Variants in MXRA5 observed in about 807,000 individuals in gnomAD.
MXRA5 encodes the protein matrix remodeling associated 5.
In MXRA5, 41 loss-of-function variants were observed where a neutral mutation model predicts 112.5. That is an observed-to-expected ratio of 0.36 (90% CI 0.28 to 0.47). The LOEUF (loss-of-function observed/expected upper bound fraction) is 0.47, where lower values mean the gene tolerates loss of function less well. MXRA5 is among the 20% of genes least tolerant of loss of function. The probability of loss-of-function intolerance (pLI) is 0.99; values close to 1 mark genes in which losing one functional copy is unlikely to be tolerated. For missense variants in MXRA5, 2,150 were observed against 2,251.0 expected (o/e 0.96, Z 0.91); for synonymous variants, 862 against 900.8 (o/e 0.96, Z 0.77).
intron 5 of MXRA5, among the ~76,000 whole-genome samples, chrX:3,319,267 T>C (rs757772625): frequency 1.8e-5 from 2 of 112,567 alleles, no homozygotes; most frequent in Admixed American, 1.9e-4. Flanking sequence ...GAATGTTTTG[T>C]TTCTCTTTTT....
intron 5 of MXRA5, among the ~76,000 whole-genome samples, chrX:3,319,722 G>A (rs765815295): frequency 1.8e-5 from 2 of 111,406 alleles, no homozygotes; most frequent in African/African-American, 6.5e-5. Context: ...TGGATGCTAC[G>A]CTGGCTACCT....
intron 2 of MXRA5, among the ~76,000 whole-genome samples, chrX:3,332,719 A>G (rs902719722): frequency 8.9e-6 from 1 of 111,904 alleles, no homozygotes; most frequent in Non-Finnish European, 1.9e-5. Flanking sequence ...GAACAATCAT[A>G]TATAGTGGTT....
intron 4 of MXRA5, among the ~76,000 whole-genome samples, chrX:3,328,102 A>T (rs1921556123): frequency 8.9e-6 from 1 of 112,331 alleles, no homozygotes; most frequent in Non-Finnish European, 1.9e-5. Flanking sequence ...ACTGGTTCCC[A>T]CCAATGAAAT....
Position 3,309,747 on chromosome X carries a change from T to C in MXRA5, c.8456A>G (p.Asp2819Gly). The change falls in exon 7 of 7, where the codon GAC (aspartate) becomes GGC (glycine). Residue 2819 changes from aspartate (D) to glycine (G), a missense_variant. Asp to Gly is a moderately conservative substitution (Grantham distance 94, BLOSUM62 -1). Transcript: ENST00000217939. ...KCMAKNILGS[D>G]SKTTYIHVF Reference sequence around the variant, plus strand: ...GACGTGGATGTAAGTTGTTTTGGAGTCACTGCCGAGAATGTTTTTTGCCAT... The same window carrying C: ...GACGTGGATGTAAGTTGTTTTGGAGCCACTGCCGAGAATGTTTTTTGCCAT... 8.3e-7 allele frequency: 1 copy of C among 1,210,956 alleles called. No individual in the cohort carries two copies. Among genetic ancestry groups the C allele is most frequent in the African/African-American group, 1.7e-5 (1 of 57,684 alleles).
chrX:3,329,704 A>G (rs775596152), intron 4 of MXRA5, among the ~76,000 whole-genome samples: 4 of 111,678 alleles, frequency 3.6e-5, no homozygotes, highest in Non-Finnish European at 7.5e-5. Context: ...TCCCACATTA[A>G]GCTGCAGTCC....
In MXRA5 at chrX:3,324,301, T is replaced by G. The variant is rs748527019; in HGVS notation, c.1384A>C (p.Thr462Pro). 5.8e-6 allele frequency: 7 copies of G among 1,211,740 alleles called. No homozygotes were observed. The highest frequency in any genetic ancestry group is 5.6e-6 in the Non-Finnish European group (5 of 895,508). ...TGCCTTGTATCTTTGGTGGATATTG[T>G]TTGAGAATACTGGGTGTAGTAGGAA... ...LLSYYTQYSQ[T>P]ISTKDTRQAR... Residue 462 changes from threonine to proline, a missense_variant, in exon 5 of 7, where the codon ACA (threonine) becomes CCA (proline). Thr to Pro is a conservative substitution (Grantham distance 38, BLOSUM62 -1). This residue lies in a region of MXRA5 where 386 missense variants were observed against 411.0 expected (regional missense o/e 0.94). Coordinates refer to ENST00000217939, the MANE Select transcript of MXRA5 (RefSeq NM_015419.4).
At chrX:3,344,157 CGAGAGAGA>C (rs377198782) in intron 1 of MXRA5, among the ~76,000 whole-genome samples, 2,375 of 96,270 alleles carry the variant, frequency 0.025, 84 homozygotes, top group African/African-American at 0.083. Flanking sequence ...CAGAGAGAGA[CGAGAGAGA>C]GAGAGAGAGA....
chrX:3,321,009 G>C lies in MXRA5; in HGVS notation c.4676C>G (p.Ser1559Ter). 1 of 1,212,068 alleles carries C rather than the reference G, an allele frequency of 8.3e-7. No individual in the cohort carries two copies. The highest frequency in any genetic ancestry group is 1.1e-6 in the Non-Finnish European group (1 of 895,575). ...TGCATCCTGGTCGGAAGAGGGTGTT[G>C]ATAATTCATTTGGCCCTGACATATG... ...TQHMSGPNEL[S>*]TPSSDQDAFN... Residue 1559 changes from serine to a stop codon, truncating the protein, a stop_gained, in exon 5 of 7, where the codon TCA (serine) becomes TGA (stop). Transcript: ENST00000217939. LOFTEE classifies it high-confidence loss of function.
rs753732953 is a variant in MXRA5, at chrX:3,310,137, G to A, written c.8066C>T (p.Ser2689Phe). 10 of 1,211,770 alleles carry A rather than the reference G, an allele frequency of 8.3e-6. No individual in the cohort carries two copies. In the South Asian group the frequency reaches 1.8e-4, roughly 21 times the overall value. The change falls in exon 7 of 7, where the codon TCT (serine) becomes TTT (phenylalanine). Residue 2689 changes from serine to phenylalanine, a missense_variant. Physicochemically the swap from Ser to Phe is radical, Grantham distance 155 (BLOSUM62 -2). Coordinates refer to ENST00000217939, the MANE Select transcript of MXRA5 (RefSeq NM_015419.4). ...CGTGAGGGTGCCATTGTCCAGAAGA[G>A]AAACGCGTCCCAGGGTTTGGGGGCC... ...LEGPQTLGRVSLLDNGTLTVR... is the reference protein window; with the variant it reads ...LEGPQTLGRVFLLDNGTLTVR...
chrX:3,310,834 C>T lies in MXRA5; in HGVS notation c.7369G>A (p.Ala2457Thr), dbSNP rs779707182. 8.3e-7 allele frequency: 1 copy of T among 1,206,985 alleles called. No individual in the cohort carries two copies. Among genetic ancestry groups the T allele is most frequent in the African/African-American group, 1.8e-5 (1 of 56,557 alleles). ...NPITTVREIA[A>T]GGSRKLIDCK... is the part of the protein sequence containing the mutation. The stretch of plus-strand genomic sequence containing the variant: ...TCAATCAGTTTCCGACTGCCCCCGG[C>T]TGCTATCTCCCGCACAGTGGTGATG... Residue 2457 changes from alanine to threonine, a missense_variant, in exon 7 of 7, where the codon GCC (alanine) becomes ACC (threonine). Ala to Thr is a moderately conservative substitution (Grantham distance 58, BLOSUM62 0). This residue lies in a region of MXRA5 where 93 missense variants were observed against 135.5 expected (regional missense o/e 0.69). Coordinates refer to ENST00000217939, the MANE Select transcript of MXRA5 (RefSeq NM_015419.4).
chrX:3,335,472 C>A (rs1356368548), intron 2 of MXRA5, among the ~76,000 whole-genome samples: 2 of 112,779 alleles, frequency 1.8e-5, no homozygotes, highest in South Asian at 7.3e-4. Flanking sequence ...GCTGGGATTA[C>A]GGGCGTGAGT....
At chrX:3,318,888 C>T (rs755192438) in intron 5 of MXRA5, among the ~76,000 whole-genome samples, 2 of 110,140 alleles carry the variant, frequency 1.8e-5, no homozygotes, top group African/African-American at 3.3e-5. Context: ...AAACAAAAAA[C>T]GAAATTCTGT....
chrX:3,336,087 T>TCCTGTCAGATGAGC (rs1921778910), intron 2 of MXRA5, among the ~76,000 whole-genome samples: 1 of 110,406 alleles, frequency 9.1e-6, no homozygotes, highest in African/African-American at 3.3e-5. Context: ...GTCAGATGAG[T>TCCTGTCAGATGAGC]GACGGCATTA....
Position 3,323,234 on chromosome X carries a change from G to A in MXRA5, c.2451C>T (p.Val817=). 8.3e-7 allele frequency: 1 copy of A among 1,211,452 alleles called. No homozygotes were observed. ...TTSPPSLSLE[V]TPPFPAISPP... The stretch of plus-strand genomic sequence containing the variant: ...GAGAAATAGCAGGAAAAGGTGGTGT[G>A]ACTTCTAGACTCAAGGATGGAGGAC... Residue 817 remains valine (V), a synonymous_variant, in exon 5 of 7, where the codon GTC becomes GTT. Coordinates refer to ENST00000217939, the MANE Select transcript of MXRA5 (RefSeq NM_015419.4).
chrX:3,309,544 A>C lies in MXRA5; in HGVS notation c.*172T>G, dbSNP rs1920965980. On this transcript the variant is annotated 3_prime_UTR_variant, in exon 7 of 7. Transcript: ENST00000217939. ...GCTGAGCCCTCCTTCTCGTGTCTGCATTGCTTCCTTTTCCCAACAATTGTA... is the reference window on the plus strand; with the variant it reads ...GCTGAGCCCTCCTTCTCGTGTCTGCCTTGCTTCCTTTTCCCAACAATTGTA... The C allele has an allele frequency of 2.2e-6, 1 of 453,345 alleles. No individual in the cohort carries two copies. Among genetic ancestry groups the C allele is most frequent in the Admixed American group, 4.1e-5 (1 of 24,521 alleles). 37.4% of individuals were successfully genotyped at this position (453,345 alleles called of 1,213,427 possible).
At chrX:3,313,067 G>A (rs1921011706) in intron 6 of MXRA5, among the ~76,000 whole-genome samples, 1 of 111,957 alleles carries the variant, frequency 8.9e-6, no homozygotes. Context: ...GGACAGGCAA[G>A]GACATTTAAA....
Position 3,323,992 on chromosome X carries a change from G to T in MXRA5, c.1693C>A (p.Arg565Ser), listed in dbSNP as rs746146003. 8.3e-7 allele frequency: 1 copy of T among 1,204,898 alleles called. No homozygotes were observed. The highest frequency in any genetic ancestry group is 1.1e-6 in the Non-Finnish European group (1 of 891,552). The part of the protein sequence containing the change: ...CIAQVRDEMD[R>S]MVYRVLVQSP... ...TGCACAAGTACCCTATATACCATGC[G>T]GTCCATTTCATCCCTCACTTGAGCA... The change falls in exon 5 of 7, where the codon CGC (arginine) becomes AGC (serine). Residue 565 changes from arginine (R) to serine (S), a missense_variant. Coordinates refer to ENST00000217939, the MANE Select transcript of MXRA5 (RefSeq NM_015419.4).
Position 3,320,702 on chromosome X carries a change from CTGTT to C in MXRA5, c.4979_4982del (p.Lys1660SerfsTer98). ...TACTTGATAATCTTGGAGTTGTAAA[CTGTT>C]TGTTCTCTGGCAAAGCCCCAGAAGG... On this transcript the variant is annotated frameshift_variant, in exon 5 of 7. Coordinates refer to ENST00000217939, the MANE Select transcript of MXRA5 (RefSeq NM_015419.4). LOFTEE classifies it high-confidence loss of function. 1 of 1,211,500 alleles carries C rather than the reference CTGTT, an allele frequency of 8.3e-7. No individual in the cohort carries two copies. The highest frequency in any genetic ancestry group is 1.1e-6 in the Non-Finnish European group (1 of 895,202).
At chrX:3,346,457 C>T (rs1922110703) in intron 1 of MXRA5, 58 bp downstream of exon 1, 1 of 717,615 alleles carries the variant, frequency 1.4e-6, no homozygotes, top group Non-Finnish European at 1.7e-6. Context: ...CAAATCCCTT[C>T]ACCCCCTGCA....
Sources: allele counts gnomAD v4.1 joint callset (sites outside exome capture counted in the v4.1 genomes callset), GRCh38; gene constraint gnomAD v4.1.1; regional missense constraint gnomAD v4.1.1; transcripts MANE v1.5; gene names NCBI Gene and HGNC (gene_info 2026-07-23, HGNC 2026-07-21).